Variants in SRL observed in about 807,000 individuals in gnomAD.
SRL encodes sarcalumenin.
Under a neutral mutation model 39.5 loss-of-function variants are expected in SRL, and 23 were observed. The ratio of observed to expected loss-of-function variants is 0.58; its 90% CI spans 0.42 to 0.82. The LOEUF (loss-of-function observed/expected upper bound fraction) is 0.82. Among genes scored for constraint, SRL ranks in the 40% least tolerant of loss-of-function variants. The pLI is 0.00. For missense variants in SRL, 592 were observed against 607.8 expected (o/e 0.97, Z 0.27); for synonymous variants, 272 against 237.4 (o/e 1.15, Z -1.34).
intron 1 of SRL, among the ~76,000 whole-genome samples, chr16:4,218,035 C>T (rs533078726): frequency 3.3e-5 from 5 of 152,244 alleles, no homozygotes; most frequent in East Asian, 1.9e-4. Flanking sequence ...GGTCTGGGAA[C>T]GGAGCAGGCT....
At chr16:4,234,717 G>A (rs1243125610) in intron 1 of SRL, among the ~76,000 whole-genome samples, 3 of 152,206 alleles carry the variant, frequency 2.0e-5, no homozygotes, top group African/African-American at 4.8e-5. Flanking sequence ...GGGACCTCTC[G>A]AGCACTGGGC....
At chr16:4,195,327 G>C (rs2052121086) in intron 5 of SRL, among the ~76,000 whole-genome samples, 2 of 152,128 alleles carry the variant, frequency 1.3e-5, no homozygotes, top group African/African-American at 4.8e-5. Flanking sequence ...CTCCTGGGTA[G>C]CTAGGACCAT....
chr16:4,198,010 A>G (rs2052172463), intron 3 of SRL, 95 bp from the exon 4 acceptor site: 2 of 848,118 alleles, frequency 2.4e-6, no homozygotes, highest in African/African-American at 1.7e-5. Flanking sequence ...CGTCCATCCA[A>G]CTGAGTTGTG....
At chr16:4,228,178 C>A (rs564730294) in intron 1 of SRL, among the ~76,000 whole-genome samples, 2 of 152,214 alleles carry the variant, frequency 1.3e-5, no homozygotes, top group South Asian at 4.1e-4. Context: ...GTGGCTCACG[C>A]CTGTAATCCC....
Position 4,190,327 on chromosome 16 carries a change from C to G in SRL, c.*1826G>C, listed in dbSNP as rs1242982389. The stretch of plus-strand genomic sequence containing the variant: ...TGCCTGCCTTTCCACTGTCCTGGGT[C>G]CAGGATGACTTCCTGGTGCTGAGCT... On this transcript the variant is annotated 3_prime_UTR_variant, in exon 6 of 6. Coordinates refer to ENST00000399609, the MANE Select transcript of SRL (RefSeq NM_001098814.2). 2.5e-6 allele frequency: 1 copy of G among 398,964 alleles called. No individual in the cohort carries two copies. The highest frequency in any genetic ancestry group is 4.4e-6 in the Non-Finnish European group (1 of 226,376). 24.7% of individuals were successfully genotyped at this position (398,964 alleles called of 1,614,324 possible).
chr16:4,192,037 C>T lies in SRL; in HGVS notation c.*116G>A. On this transcript the variant is annotated 3_prime_UTR_variant, in exon 6 of 6. Coordinates refer to ENST00000399609, the MANE Select transcript of SRL (RefSeq NM_001098814.2). The surrounding 1 kb of genome is among the most constrained non-coding windows in gnomAD (Gnocchi z 4.0). The stretch of plus-strand genomic sequence containing the variant: ...CCCTGGCCTCAATGAACTCCCAACT[C>T]TCCACTGTGTAATAATTCCTGCCAG... 1 of 1,200,798 alleles carries T rather than the reference C, an allele frequency of 8.3e-7. No homozygotes were observed. Among genetic ancestry groups the T allele is most frequent in the Non-Finnish European group, 1.2e-6 (1 of 851,190 alleles). 74.4% of individuals were successfully genotyped at this position (1,200,798 alleles called of 1,614,324 possible). A position where few individuals can be genotyped will look rare whatever the true frequency, so the allele number is the denominator to read the frequency against.
chr16:4,198,973 G>A (rs1276974164), intron 3 of SRL, among the ~76,000 whole-genome samples: 1 of 152,094 alleles, frequency 6.6e-6, no homozygotes, highest in Non-Finnish European at 1.5e-5. Context: ...AAGGGGAGAG[G>A]CTTTCAACGT....
intron 1 of SRL, among the ~76,000 whole-genome samples, chr16:4,238,669 G>A (rs979325486): frequency 6.6e-5 from 10 of 150,704 alleles, no homozygotes; most frequent in African/African-American, 2.2e-4. Flanking sequence ...CTGTCACCCA[G>A]GCTGGAGTCA....
At position 4,195,586 on chromosome 16, in the gene SRL, C is replaced by T; in HGVS notation, c.577G>A (p.Gly193Ser). 1 of 1,614,166 alleles carries T rather than the reference C, an allele frequency of 6.2e-7. No individual in the cohort carries two copies. Among genetic ancestry groups the T allele is most frequent in the Non-Finnish European group, 8.5e-7 (1 of 1,180,034 alleles). The change falls in exon 5 of 6, where the codon GGC becomes AGC. Residue 193 changes from glycine (G) to serine (S), a missense_variant. Coordinates refer to ENST00000399609, the MANE Select transcript of SRL (RefSeq NM_001098814.2). Reference protein sequence around the residue: ...LERVTFVDTPGIIENRKQQER... With the variant: ...LERVTFVDTPSIIENRKQQER... ...TGCTGCTTGCGGTTCTCGATGATGC[C>T]TGGTGTATCCACAAAAGTGACCCTC...
chr16:4,226,485 AGGTG>A (rs1196074192), intron 1 of SRL, among the ~76,000 whole-genome samples: 6 of 150,104 alleles, frequency 4.0e-5, no homozygotes, highest in Admixed American at 3.3e-4. Flanking sequence ...ATGAATGGGT[AGGTG>A]GGTGGGTGAG....
intron 3 of SRL, 93 bp from the exon 4 acceptor site, chr16:4,198,008 C>A: frequency 2.3e-6 from 2 of 854,148 alleles, no homozygotes; most frequent in Non-Finnish European, 2.0e-6. Flanking sequence ...ACCGTCCATC[C>A]AACTGAGTTG....
chr16:4,229,742 C>G (rs79474488), intron 1 of SRL, among the ~76,000 whole-genome samples: 2 of 152,210 alleles, frequency 1.3e-5, no homozygotes, highest in East Asian at 3.9e-4. Flanking sequence ...TGCACTACAT[C>G]CATGTAAAAA....
At chr16:4,240,506 G>A (rs1382997792) in intron 1 of SRL, among the ~76,000 whole-genome samples, 1 of 152,134 alleles carries the variant, frequency 6.6e-6, no homozygotes, top group Non-Finnish European at 1.5e-5. Flanking sequence ...GAAGCTTTAC[G>A]CCGGAGGTTG....
intron 1 of SRL, among the ~76,000 whole-genome samples, chr16:4,223,867 C>T (rs2052557971): frequency 6.6e-6 from 1 of 152,120 alleles, no homozygotes; most frequent in South Asian, 2.1e-4. Flanking sequence ...CCCCTGGGAC[C>T]CCCTTCCTAG....
At chr16:4,208,225 T>TA (rs1236846286) in intron 1 of SRL, 1 of 358,072 alleles carries the variant, frequency 2.8e-6, no homozygotes, top group Non-Finnish European at 5.5e-6. Context: ...TGTGCAGTGT[T>TA]ACGCCCACCA....
intron 1 of SRL, among the ~76,000 whole-genome samples, chr16:4,228,523 C>G (rs1025078027): frequency 6.6e-6 from 1 of 152,030 alleles, no homozygotes; most frequent in Admixed American, 6.6e-5. Flanking sequence ...ATCACTAGGT[C>G]AGGAGATCGA....
intron 1 of SRL, among the ~76,000 whole-genome samples, chr16:4,209,765 A>T (rs1391276670): frequency 6.6e-6 from 1 of 152,182 alleles, no homozygotes; most frequent in Non-Finnish European, 1.5e-5. Context: ...TTTCATATGC[A>T]TGGCCATTTA....
intron 1 of SRL, chr16:4,208,103 T>C (rs1648940647): frequency 4.5e-6 from 2 of 446,274 alleles, no homozygotes; most frequent in South Asian, 3.2e-5. Flanking sequence ...AGACTTGCAG[T>C]TCTAAATGAT....
At chr16:4,235,889 C>T (rs184750449) in intron 1 of SRL, among the ~76,000 whole-genome samples, 1 of 152,144 alleles carries the variant, frequency 6.6e-6, no homozygotes, top group East Asian at 1.9e-4. Flanking sequence ...GAGATCGAAA[C>T]CAGCCTGACC....
Sources: allele counts gnomAD v4.1 joint callset (sites outside exome capture counted in the v4.1 genomes callset), GRCh38; gene constraint gnomAD v4.1.1; non-coding constraint Gnocchi (gnomAD v3.1); transcripts MANE v1.5; gene names NCBI Gene and HGNC (gene_info 2026-07-23, HGNC 2026-07-21).